Variants in WIPF3 observed in about 807,000 individuals in gnomAD.
WIPF3 encodes the protein WAS/WASL interacting protein family member 3, also known as WAS/WASL-interacting protein family member 3.
A neutral mutation model predicts 38.9 loss-of-function variants in WIPF3; 33 were observed. The observed-to-expected ratio is 0.85, with a 90% CI of 0.64 to 1.14. The LOEUF (loss-of-function observed/expected upper bound fraction) is 1.14, where lower values mean the gene tolerates loss of function less well. Ranked by LOEUF, WIPF3 falls within the 50% of genes most tolerant of loss-of-function variation. The pLI is 0.00. For synonymous variants in WIPF3, 324 were observed against 269.3 expected, an observed-to-expected ratio of 1.20 and a Z score of -1.99; for missense variants, 711 against 652.5, an observed-to-expected ratio of 1.09 and a Z score of -0.98.
chr7:29,870,649 AG>A (rs1173769610), intron 2 of WIPF3, among the ~76,000 whole-genome samples: 4 of 152,192 alleles, frequency 2.6e-5, no homozygotes. Context: ...CCCCAAAAAA[AG>A]ACCCCCTCAT....
intron 2 of WIPF3, among the ~76,000 whole-genome samples, chr7:29,861,833 A>C (rs1332719123): frequency 3.3e-5 from 5 of 152,174 alleles, no homozygotes; most frequent in Admixed American, 3.3e-4. Context: ...TAAGCTGCAA[A>C]TGTTTGCAAT....
At position 29,884,169 on chromosome 7, in the gene WIPF3, TCCACCTCCG is replaced by T; in HGVS notation, c.684_692del (p.Pro230_Pro232del). The stretch of plus-strand genomic sequence containing the variant: ...CCCCCGTCCCCTGTGCGCCACCACC[TCCACCTCCG>T]CCACCTCCCCCAACGCCACCCCCGC... On this transcript the variant is annotated inframe_deletion, in exon 5 of 9. Transcript: ENST00000242140. 4 of 1,221,252 alleles carry T rather than the reference TCCACCTCCG, an allele frequency of 3.3e-6. No individual in the cohort carries two copies. Among genetic ancestry groups the T allele is most frequent in the South Asian group, 3.3e-5 (2 of 59,904 alleles). 75.7% of individuals were successfully genotyped at this position (1,221,252 alleles called of 1,614,324 possible).
intron 5 of WIPF3, among the ~76,000 whole-genome samples, chr7:29,887,693 G>C (rs939282979): frequency 2.0e-5 from 3 of 152,152 alleles, no homozygotes; most frequent in African/African-American, 7.2e-5. Context: ...TGATTCCCCT[G>C]CTTTGGGCTG....
intron 2 of WIPF3, among the ~76,000 whole-genome samples, chr7:29,863,358 CAGTTTTG>C (rs1785330424): frequency 6.6e-6 from 1 of 152,188 alleles, no homozygotes; most frequent in African/African-American, 2.4e-5. Flanking sequence ...TGGTTGTTTT[CAGTTTTG>C]AGCAATTATG....
chr7:29,888,859 C>G (rs1785947684), intron 6 of WIPF3, among the ~76,000 whole-genome samples: 1 of 152,162 alleles, frequency 6.6e-6, no homozygotes. Flanking sequence ...AGGCCATGCT[C>G]CTCCATTCCC....
At chr7:29,847,525 G>A (rs1017395825) in intron 2 of WIPF3, among the ~76,000 whole-genome samples, 2 of 152,212 alleles carry the variant, frequency 1.3e-5, no homozygotes, top group Non-Finnish European at 2.9e-5. Flanking sequence ...TCTATTTTAT[G>A]TTTAGGTTGA....
chr7:29,850,716 G>GACTC (rs1477821170), intron 2 of WIPF3, among the ~76,000 whole-genome samples: 1 of 152,180 alleles, frequency 6.6e-6, no homozygotes, highest in East Asian at 1.9e-4. Flanking sequence ...GGACAATGGA[G>GACTC]ACTCACCAAT....
At chr7:29,898,500 C>T (rs1786204077) in intron 7 of WIPF3, among the ~76,000 whole-genome samples, 1 of 152,162 alleles carries the variant, frequency 6.6e-6, no homozygotes, top group Non-Finnish European at 1.5e-5. Flanking sequence ...TCCAGTCACT[C>T]CCCTCCGCTC....
chr7:29,894,902 G>C (rs1786102210), intron 7 of WIPF3, among the ~76,000 whole-genome samples: 1 of 141,708 alleles, frequency 7.1e-6, no homozygotes, highest in South Asian at 2.5e-4. Context: ...TTAGTTTTGT[G>C]TTTTGTGTGT....
chr7:29,884,264 T>TTGCCCC lies in WIPF3; in HGVS notation c.770_771insTGCCCC (p.Leu257_Pro258insAlaPro). On this transcript the variant is annotated inframe_insertion, in exon 5 of 9. Transcript: ENST00000242140. Reference sequence around the variant, plus strand: ...AAGCCTCAGCTGGCTCCCTTGCACCTCCCGCCCATCCCGCCCCCGCTCCCT... The same window carrying TTGCCCC: ...AAGCCTCAGCTGGCTCCCTTGCACCTTGCCCCCCCGCCCATCCCGCCCCCGCTCCCT... 576 of 1,314,584 alleles carry TTGCCCC rather than the reference T, an allele frequency of 4.4e-4. No homozygotes were observed. The highest frequency in any genetic ancestry group is 5.3e-4 in the Non-Finnish European group (524 of 992,074). The allele number at this position is 1,314,584 out of a possible 1,614,324, so 81.4% of individuals were successfully genotyped here.
rs751389171 is a variant in WIPF3, at chr7:29,879,114, G to A, written c.329G>A (p.Arg110Gln). 1 of 1,612,350 alleles carries A rather than the reference G, an allele frequency of 6.2e-7. No individual in the cohort carries two copies. Among genetic ancestry groups the A allele is most frequent in the Non-Finnish European group, 8.5e-7 (1 of 1,179,248 alleles). ...DLFAGGFPVL[R>Q]PAGQRDVAGG... ...TTTGCTGGTGGCTTTCCTGTATTGC[G>A]ACCAGCAGGCCAGCGGGATGTAGCA... Residue 110 changes from arginine (R) to glutamine (Q), a missense_variant, in exon 4 of 9, where the codon CGA becomes CAA. Physicochemically the swap from Arg to Gln is conservative, Grantham distance 43. Coordinates refer to ENST00000242140, the MANE Select transcript of WIPF3 (RefSeq NM_001080529.3).
chr7:29,824,024 G>T (rs1221119979), intron 1 of WIPF3, among the ~76,000 whole-genome samples: 1 of 152,164 alleles, frequency 6.6e-6, no homozygotes, highest in Non-Finnish European at 1.5e-5. Flanking sequence ...ATACACCAAG[G>T]CAGTGGCATT....
intron 2 of WIPF3, among the ~76,000 whole-genome samples, chr7:29,861,169 A>C (rs1387865609): frequency 6.6e-6 from 1 of 152,122 alleles, no homozygotes; most frequent in Non-Finnish European, 1.5e-5. Context: ...GAAGTAATAT[A>C]TGGAAGTGTC....
At chr7:29,819,488 C>A (rs1009582398) in intron 1 of WIPF3, among the ~76,000 whole-genome samples, 3 of 151,878 alleles carry the variant, frequency 2.0e-5, no homozygotes, top group Admixed American at 1.3e-4. Context: ...TAGATATATT[C>A]ATTTAAACAT....
chr7:29,904,142 G>A, intron 7 of WIPF3, 144 bp from the exon 8 acceptor site: 2 of 666,708 alleles, frequency 3.0e-6, no homozygotes, highest in Non-Finnish European at 2.6e-6. Flanking sequence ...CATAGAAGAT[G>A]GGAGTGGTGG....
intron 1 of WIPF3, among the ~76,000 whole-genome samples, chr7:29,831,212 A>T (rs1392864528): frequency 6.6e-6 from 1 of 152,230 alleles, no homozygotes; most frequent in African/African-American, 2.4e-5. Flanking sequence ...AGTATTCTTA[A>T]GCCCAAGAAG....
rs1786295570 is a variant in WIPF3, at chr7:29,902,136, T to G, written c.1352-2150T>G. 1.3e-5 allele frequency among the ~76,000 whole-genome samples: 2 copies of G among 152,054 alleles called. 1 individual carries two copies. The highest frequency in any genetic ancestry group is 1.3e-4 in the Admixed American group (2 of 15,262). Reference sequence around the variant, plus strand: ...AGCCCAAATGTCAATAAAGCCAAGATTGCAGACCCCTGGCCTAGAAGGTCT... The same window carrying G: ...AGCCCAAATGTCAATAAAGCCAAGAGTGCAGACCCCTGGCCTAGAAGGTCT... On this transcript the variant is annotated intron_variant, in intron 7 of 8. Coordinates refer to ENST00000242140, the MANE Select transcript of WIPF3 (RefSeq NM_001080529.3).
chr7:29,895,715 C>T (rs1233372728), intron 7 of WIPF3, among the ~76,000 whole-genome samples: 1 of 152,154 alleles, frequency 6.6e-6, no homozygotes, highest in East Asian at 1.9e-4. Context: ...ACTTGTGTCA[C>T]GTGACGGAGC....
intron 1 of WIPF3, among the ~76,000 whole-genome samples, chr7:29,821,443 C>G (rs1784535491): frequency 6.6e-6 from 1 of 152,066 alleles, no homozygotes; most frequent in Non-Finnish European, 1.5e-5. Context: ...AAGACACACG[C>G]CACCATGCCC....
Sources: gnomAD v4.1 joint callset for allele counts (sites outside exome capture counted in the v4.1 genomes callset) on GRCh38, gnomAD v4.1.1 for gene constraint, MANE v1.5 for transcripts, NCBI Gene and HGNC (gene_info 2026-07-23, HGNC 2026-07-21) for gene names.